Variants in RALYL observed in about 807,000 individuals in gnomAD.
The protein encoded by RALYL is RALY RNA binding protein like.
Under a neutral mutation model 35.1 loss-of-function variants are expected in RALYL, and 29 were observed. The observed-to-expected ratio is 0.83, with a 90% CI of 0.61 to 1.13. RALYL has a LOEUF of 1.13. Ranked by LOEUF, RALYL falls within the 50% of genes most tolerant of loss-of-function variation. RALYL has a pLI of 0.00. For missense variants in RALYL, 359 were observed against 360.4 expected, an observed-to-expected ratio of 1.00 and a Z score of 0.03; for synonymous variants, 120 against 127.6, an observed-to-expected ratio of 0.94 and a Z score of 0.40.
At chr8:84,787,111 C>T (rs111855714) in intron 3 of RALYL, among the ~76,000 whole-genome samples, 3 of 152,230 alleles carry the variant, frequency 2.0e-5, no homozygotes, top group African/African-American at 7.2e-5. Context: ...CTGCACCCAT[C>T]AACCCGTCAT....
chr8:84,469,470 G>C (rs961108373), intron 1 of RALYL, among the ~76,000 whole-genome samples: 1 of 152,204 alleles, frequency 6.6e-6, no homozygotes, highest in Non-Finnish European at 1.5e-5. Flanking sequence ...TCAGGGGACA[G>C]GGACCCACTT....
chr8:84,569,069 G>A (rs34001116), intron 2 of RALYL, among the ~76,000 whole-genome samples: 39,406 of 144,818 alleles, frequency 0.27, 5,058 homozygotes, highest in African/African-American at 0.41. Flanking sequence ...CCATTTGTCA[G>A]TTTTGTCTTT....
At chr8:84,372,954 T>A (rs1334151148) in intron 1 of RALYL, among the ~76,000 whole-genome samples, 1 of 146,818 alleles carries the variant, frequency 6.8e-6, no homozygotes, top group African/African-American at 2.5e-5. Context: ...TGTGAGATGG[T>A]ATCTCATTGT....
intron 1 of RALYL, among the ~76,000 whole-genome samples, chr8:84,246,264 A>G (rs1266132905): frequency 6.6e-6 from 1 of 152,084 alleles, no homozygotes; most frequent in Non-Finnish European, 1.5e-5. Context: ...CACGATATAA[A>G]TATCTACTTT....
intron 2 of RALYL, among the ~76,000 whole-genome samples, chr8:84,642,322 T>A (rs1826535986): frequency 6.6e-6 from 1 of 152,076 alleles, no homozygotes; most frequent in Non-Finnish European, 1.5e-5. Flanking sequence ...TGAACCAAAA[T>A]TTTAAGTAAA....
intron 1 of RALYL, among the ~76,000 whole-genome samples, chr8:84,227,177 C>T (rs1824124898): frequency 6.7e-6 from 1 of 149,322 alleles, no homozygotes; most frequent in African/African-American, 2.5e-5. Context: ...TTTCCTGCCT[C>T]AGCCTCCTGA....
chr8:84,421,975 T>C (rs1167070395), intron 1 of RALYL, among the ~76,000 whole-genome samples: 10 of 152,174 alleles, frequency 6.6e-5, no homozygotes, highest in Admixed American at 6.5e-4. Context: ...GATTTTTGCA[T>C]CAATTTTCAT....
chr8:84,276,999 G>C (rs891542524), intron 1 of RALYL, among the ~76,000 whole-genome samples: 4 of 152,278 alleles, frequency 2.6e-5, no homozygotes, highest in African/African-American at 7.2e-5. Flanking sequence ...GGTGAAGAAA[G>C]CACGCAGCTG....
rs562439434 is a variant in RALYL at position 84,220,507 on chromosome 8, GTTTTAAATAC to G, written c.-24+36089_-24+36098del. Among the ~76,000 whole-genome samples the G allele has an allele frequency of 3.8e-3, 581 of 152,028 alleles. 1 individual carries two copies. Among genetic ancestry groups the G allele is most frequent in the African/African-American group, 0.013 (546 of 41,514 alleles). On this transcript the variant is annotated intron_variant, in intron 1 of 8. Transcript: ENST00000521268. ...AGAAATGATTGACATAGGGCTCATGGTTTTAAATACTTTTATTGAAGATTATGGTAAATGA... is the reference window on the plus strand; with the variant it reads ...AGAAATGATTGACATAGGGCTCATGGTTTTATTGAAGATTATGGTAAATGA...
chr8:84,205,803 A>G (rs1817928028), intron 1 of RALYL, among the ~76,000 whole-genome samples: 2 of 152,192 alleles, frequency 1.3e-5, no homozygotes, highest in South Asian at 2.1e-4. Flanking sequence ...GGCTTCCATA[A>G]CAAAGTAGCA....
chr8:84,907,307 G>T, intron 8 of RALYL, among the ~76,000 whole-genome samples: 1 of 59,078 alleles, frequency 1.7e-5, no homozygotes, highest in Non-Finnish European at 3.6e-5. Flanking sequence ...ATAAGATATA[G>T]CGTCACACAC....
intron 2 of RALYL, among the ~76,000 whole-genome samples, chr8:84,557,087 C>G (rs1207037211): frequency 6.6e-6 from 1 of 152,134 alleles, no homozygotes; most frequent in East Asian, 1.9e-4. Context: ...CAGTTTTCTT[C>G]TACTGCATGT....
intron 1 of RALYL, among the ~76,000 whole-genome samples, chr8:84,452,030 C>A (rs1307574269): frequency 6.6e-6 from 1 of 151,908 alleles, no homozygotes; most frequent in Non-Finnish European, 1.5e-5. Flanking sequence ...CCCTTTATTG[C>A]CAACAGTCTT....
intron 2 of RALYL, among the ~76,000 whole-genome samples, chr8:84,634,292 A>G (rs1229146355): frequency 6.6e-6 from 1 of 151,724 alleles, no homozygotes; most frequent in Admixed American, 6.6e-5. Flanking sequence ...GTCTGCCAAT[A>G]ATACTCTTCC....
intron 1 of RALYL, among the ~76,000 whole-genome samples, chr8:84,363,062 C>G (rs139732096): frequency 6.6e-6 from 1 of 152,150 alleles, no homozygotes; most frequent in East Asian, 1.9e-4. Context: ...AAAGCTGTCA[C>G]CACGCTTTTG....
rs899423587 is a variant in RALYL at position 84,424,304 on chromosome 8, CT to C, written c.-23-104993del. Among the ~76,000 whole-genome samples the C allele has an allele frequency of 5.5e-5, 7 of 128,254 alleles. 1 individual carries two copies. Among genetic ancestry groups the C allele is most frequent in the Admixed American group, 4.7e-4 (6 of 12,702 alleles). The allele number at this position is 128,254 out of a possible 152,430, so 84.1% of individuals were successfully genotyped here. The stretch of plus-strand genomic sequence containing the variant: ...TCTCGCTTCATTTCATTCATTTCAT[CT>C]TCCATTGCTGATACCCTTTCTTCCA... On this transcript the variant is annotated intron_variant, in intron 1 of 8. Coordinates refer to ENST00000521268, the MANE Select transcript of RALYL (RefSeq NM_173848.7).
intron 2 of RALYL, among the ~76,000 whole-genome samples, chr8:84,617,326 T>A (rs1238365590): frequency 1.3e-5 from 2 of 151,460 alleles, no homozygotes. Flanking sequence ...TAAGTTGGAT[T>A]CCTAGGTATT....
At chr8:84,793,712 C>A (rs1336130496) in intron 3 of RALYL, among the ~76,000 whole-genome samples, 1 of 152,106 alleles carries the variant, frequency 6.6e-6, no homozygotes, top group Non-Finnish European at 1.5e-5. Flanking sequence ...TGGTATCACA[C>A]AATTTTGTCA....
intron 3 of RALYL, 43 bp from the exon 4 acceptor site, chr8:84,804,727 G>T: frequency 9.6e-7 from 1 of 1,043,214 alleles, no homozygotes; most frequent in Non-Finnish European, 1.3e-6. Flanking sequence ...TGAATATACA[G>T]CAAATTTTTA....
Sources: allele counts gnomAD v4.1 joint callset (sites outside exome capture counted in the v4.1 genomes callset), GRCh38; gene constraint gnomAD v4.1.1; transcripts MANE v1.5; gene names NCBI Gene and HGNC (gene_info 2026-07-23, HGNC 2026-07-21).